Variants in PAPPA observed in about 807,000 individuals in gnomAD.
PAPPA encodes pappalysin 1, also known as pappalysin-1.
PAPPA carries 60 observed loss-of-function variants against 164.0 expected under a neutral mutation model. The observed-to-expected ratio is 0.37, with a 90% CI of 0.30 to 0.45. The LOEUF is 0.45. Ranked by LOEUF, PAPPA falls within the 20% of genes least tolerant of loss-of-function variation. The probability of loss-of-function intolerance (pLI) is 1.00; values close to 1 mark genes in which losing one functional copy is unlikely to be tolerated. For synonymous variants in PAPPA, 875 were observed against 814.1 expected (o/e 1.07, Z -1.27); for missense variants, 1,782 against 2,087.3 (o/e 0.85, Z 2.85).
chr9:116,279,793 G>A (rs938954653), intron 9 of PAPPA, among the ~76,000 whole-genome samples: 5 of 152,188 alleles, frequency 3.3e-5, no homozygotes, highest in African/African-American at 1.2e-4. Flanking sequence ...GAGGGTAGAG[G>A]CCTCTAGGCT....
intron 17 of PAPPA, among the ~76,000 whole-genome samples, chr9:116,357,934 C>A (rs1423457416): frequency 1.3e-5 from 2 of 152,164 alleles, no homozygotes; most frequent in East Asian, 3.9e-4. Flanking sequence ...TTGCACAGAT[C>A]ACAGAAGGTG....
At chr9:116,307,195 C>G (rs1040911507) in intron 10 of PAPPA, among the ~76,000 whole-genome samples, 7 of 152,196 alleles carry the variant, frequency 4.6e-5, no homozygotes, top group African/African-American at 1.7e-4. Context: ...AATTGATTCT[C>G]TGACTTTATG....
chr9:116,243,453 C>A (rs995073554), intron 7 of PAPPA, among the ~76,000 whole-genome samples: 7 of 152,096 alleles, frequency 4.6e-5, no homozygotes, highest in African/African-American at 1.4e-4. Flanking sequence ...TATTAGCATG[C>A]CTGACTTCTT....
At chr9:116,285,328 C>A (rs1288370151) in intron 9 of PAPPA, among the ~76,000 whole-genome samples, 1 of 151,884 alleles carries the variant, frequency 6.6e-6, no homozygotes, top group Non-Finnish European at 1.5e-5. Context: ...TACCACCACA[C>A]CCAGCTAATT....
intron 7 of PAPPA, among the ~76,000 whole-genome samples, chr9:116,250,665 C>G (rs1199863922): frequency 6.6e-6 from 1 of 152,192 alleles, no homozygotes; most frequent in Non-Finnish European, 1.5e-5. Context: ...GGGAATTAGA[C>G]TGAAAAACTC....
chr9:116,183,300 T>A (rs1843928751), intron 1 of PAPPA, among the ~76,000 whole-genome samples: 2 of 152,166 alleles, frequency 1.3e-5, no homozygotes, highest in Non-Finnish European at 2.9e-5. Flanking sequence ...TCAACACATA[T>A]TTTTGAGCAC....
intron 10 of PAPPA, among the ~76,000 whole-genome samples, chr9:116,316,797 G>A (rs1570518): frequency 0.23 from 35,057 of 152,142 alleles, 4,938 homozygotes; most frequent in East Asian, 0.35. Flanking sequence ...GCATCCTTTG[G>A]AGACTCTTCC....
intron 5 of PAPPA, among the ~76,000 whole-genome samples, chr9:116,226,716 A>C (rs549822050): frequency 5.1e-4 from 77 of 152,350 alleles, no homozygotes; most frequent in African/African-American, 1.9e-3. Context: ...TCTATAGCCA[A>C]AGGAAGATTG....
At chr9:116,275,562 T>C (rs867339868) in intron 9 of PAPPA, among the ~76,000 whole-genome samples, 7 of 152,192 alleles carry the variant, frequency 4.6e-5, no homozygotes, top group Non-Finnish European at 1.0e-4. Flanking sequence ...CCACTCTGCC[T>C]CTCCATTTGA....
chr9:116,352,293 T>C (rs1249195624), intron 15 of PAPPA, among the ~76,000 whole-genome samples: 1 of 152,190 alleles, frequency 6.6e-6, no homozygotes, highest in African/African-American at 2.4e-5. Flanking sequence ...ATGCACTCAC[T>C]GATATCAGAA....
At chr9:116,220,799 T>TG in intron 5 of PAPPA, among the ~76,000 whole-genome samples, 1 of 151,404 alleles carries the variant, frequency 6.6e-6, no homozygotes, top group East Asian at 1.9e-4. Context: ...GGCAGGAGAA[T>TG]GCTTGAGCCC....
intron 9 of PAPPA, among the ~76,000 whole-genome samples, chr9:116,279,564 G>T (rs988962157): frequency 1.3e-5 from 2 of 152,066 alleles, no homozygotes; most frequent in African/African-American, 4.8e-5. Flanking sequence ...CTCAGGAAGG[G>T]GTCAGGCTCA....
intron 10 of PAPPA, among the ~76,000 whole-genome samples, chr9:116,327,616 C>T (rs1339354539): frequency 6.6e-6 from 1 of 151,768 alleles, no homozygotes; most frequent in Admixed American, 6.6e-5. Context: ...CGGATGAAAA[C>T]AGAGCATCCC....
At chr9:116,204,095 T>C (rs1844203173) in intron 2 of PAPPA, among the ~76,000 whole-genome samples, 1 of 152,148 alleles carries the variant, frequency 6.6e-6, no homozygotes, top group African/African-American at 2.4e-5. Flanking sequence ...GCTCACATTT[T>C]CTAGTTATGT....
rs1292362204 is a variant in PAPPA at position 116,187,736 on chromosome 9, A to G, written c.998A>G (p.Asp333Gly). ...EPPLCGQTLC[D>G]NTEVIASYNQ... ...CCTCTGTGCGGACAGACATTGTGTG[A>G]CAACACAGAGGTCATTGCCAGCTAC... is the stretch of plus-strand genomic sequence containing the variant. Residue 333 changes from aspartate (D) to glycine (G), a missense_variant, in exon 2 of 22, where the codon GAC (aspartate) becomes GGC (glycine). Asp to Gly is a moderately conservative substitution (Grantham distance 94). Transcript: ENST00000328252. This position sits in a 1 kb window ranked among gnomAD's most constrained non-coding sequence, Gnocchi z 4.2. 1 of 1,614,250 alleles carries G rather than the reference A, an allele frequency of 6.2e-7. No homozygotes were observed. Among genetic ancestry groups the G allele is most frequent in the South Asian group, 1.1e-5 (1 of 91,080 alleles).
chr9:116,184,618 G>A (rs1337222552), intron 1 of PAPPA, among the ~76,000 whole-genome samples: 1 of 152,128 alleles, frequency 6.6e-6, no homozygotes, highest in African/African-American at 2.4e-5. Flanking sequence ...AGATACAGAT[G>A]AAGGAATTAA....
rs2118985988 is a variant in PAPPA, at chr9:116,168,778, C to T, written c.415+14191C>T. Among the ~76,000 whole-genome samples, 2 of 152,260 alleles carry T rather than the reference C, an allele frequency of 1.3e-5. 1 individual carries two copies. Among genetic ancestry groups the T allele is most frequent in the Middle Eastern group, 6.8e-3 (2 of 294 alleles). On this transcript the variant is annotated intron_variant, in intron 1 of 21. Coordinates refer to ENST00000328252, the MANE Select transcript of PAPPA (RefSeq NM_002581.5). ...TTATTGGACAATTCAATATCCATCA[C>T]CATCTGCATCAAGCCAATGCAACTC...
chr9:116,339,116 G>C (rs1846101134), intron 13 of PAPPA, among the ~76,000 whole-genome samples: 1 of 152,164 alleles, frequency 6.6e-6, no homozygotes. Context: ...AGGTTTCAAG[G>C]CTGGTGTTCC....
At chr9:116,286,641 C>A (rs944685023) in intron 9 of PAPPA, 2 of 152,060 alleles carry the variant, frequency 1.3e-5, no homozygotes, top group African/African-American at 4.8e-5. Flanking sequence ...AACAAAAACT[C>A]GGATTTCACT....
Sources: allele counts gnomAD v4.1 joint callset (sites outside exome capture counted in the v4.1 genomes callset), GRCh38; gene constraint gnomAD v4.1.1; non-coding constraint Gnocchi (gnomAD v3.1); transcripts MANE v1.5; gene names NCBI Gene and HGNC (gene_info 2026-07-23, HGNC 2026-07-21).